FOXP2: variants seen among roughly 807,000 people sequenced by gnomAD.
FOXP2 encodes forkhead box P2, also known as forkhead box protein P2.
A neutral mutation model predicts 115.8 loss-of-function variants in FOXP2; 12 were observed. That is an observed-to-expected ratio of 0.10 (90% CI 0.07 to 0.17). The LOEUF (loss-of-function observed/expected upper bound fraction) is 0.17. Ranked by LOEUF, FOXP2 falls within the 10% of genes least tolerant of loss-of-function variation. The pLI is 1.00. For missense variants in FOXP2, 629 were observed against 843.5 expected, an observed-to-expected ratio of 0.75 and a Z score of 3.15; for synonymous variants, 328 against 297.7, an observed-to-expected ratio of 1.10 and a Z score of -1.05.
In FOXP2 at chr7:114,691,776, T is replaced by C. The variant is rs1563083156; in HGVS notation, c.*1850T>C. On this transcript the variant is annotated 3_prime_UTR_variant, in exon 17 of 17. Coordinates refer to ENST00000350908, the MANE Select transcript of FOXP2 (RefSeq NM_014491.4). Reference sequence around the variant, plus strand: ...CGTTCCATGTGATGGAACCGGTTCTTGCAAACTAAGCTCATCATTGATTCT... The same window carrying C: ...CGTTCCATGTGATGGAACCGGTTCTCGCAAACTAAGCTCATCATTGATTCT... The C allele has an allele frequency of 2.2e-6, 1 of 453,586 alleles. No homozygotes were observed. Among genetic ancestry groups the C allele is most frequent in the Non-Finnish European group, 4.4e-6 (1 of 226,408 alleles). The allele number at this position is 453,586 out of a possible 1,614,324, so 28.1% of individuals were successfully genotyped here. A position where few individuals can be genotyped will look rare whatever the true frequency, so the allele number is the denominator to read the frequency against.
chr7:114,126,653 A>C (rs960583664), intron 1 of FOXP2, among the ~76,000 whole-genome samples: 5 of 151,970 alleles, frequency 3.3e-5, no homozygotes, highest in Non-Finnish European at 7.4e-5. Flanking sequence ...TGCAGTGAAA[A>C]CCCTTAAATT....
intron 1 of FOXP2, among the ~76,000 whole-genome samples, chr7:114,173,359 T>C (rs1204907150): frequency 6.6e-6 from 1 of 151,806 alleles, no homozygotes; most frequent in African/African-American, 2.4e-5. Context: ...ATTTTCTTTT[T>C]TTTTCTTCTT....
rs1161419587 is a variant in FOXP2 at position 114,642,748 on chromosome 7, A to C, written c.989+125A>C. The stretch of plus-strand genomic sequence containing the variant: ...AAATGTATAGAACAACAGATTAGAA[A>C]TCTTTAGATTATTTATCTTATTTTA... On this transcript the variant is annotated intron_variant, in intron 7 of 16. Coordinates refer to ENST00000350908, the MANE Select transcript of FOXP2 (RefSeq NM_014491.4). 1.0e-5 allele frequency: 5 copies of C among 498,714 alleles called. No individual in the cohort carries two copies. In the East Asian group the frequency reaches 2.0e-4, roughly 20 times the overall value. 30.9% of individuals were successfully genotyped at this position (498,714 alleles called of 1,614,324 possible). A position where few individuals can be genotyped will look rare whatever the true frequency, so the allele number is the denominator to read the frequency against.
In FOXP2 at chr7:114,348,685, G is replaced by A. The variant is rs1336343967; in HGVS notation, c.-11+60576G>A. On this transcript the variant is annotated intron_variant, in intron 2 of 17. Coordinates refer to the FOXP2 transcript ENST00000634411. ...AGCTTTCTTATCTGTAAAACTGTAAGATTAAAAGAGGCCAGACTGAATTTC... is the reference window on the plus strand; with the variant it reads ...AGCTTTCTTATCTGTAAAACTGTAAAATTAAAAGAGGCCAGACTGAATTTC... 2.0e-5 allele frequency among the ~76,000 whole-genome samples: 3 copies of A among 152,086 alleles called. No individual in the cohort carries two copies. The South Asian group carries it at 6.2e-4, about 31-fold the overall frequency.
chr7:114,339,222 A>C lies in FOXP2; in HGVS notation c.-11+51113A>C, dbSNP rs1349300507. On this transcript the variant is annotated intron_variant, in intron 2 of 17. Coordinates refer to the FOXP2 transcript ENST00000634411. The stretch of plus-strand genomic sequence containing the variant: ...AATGTTGTGGTATTTCAGTTGTTTG[A>C]AGTTTATAAACTAAGAGCATGATTT... 2.0e-5 allele frequency among the ~76,000 whole-genome samples: 3 copies of C among 151,174 alleles called. No homozygotes were observed. The East Asian group carries it at 5.8e-4, about 29-fold the overall frequency.
chr7:114,477,098 T>C (rs1796308502), intron 2 of FOXP2, among the ~76,000 whole-genome samples: 1 of 151,968 alleles, frequency 6.6e-6, no homozygotes, highest in Admixed American at 6.6e-5. Context: ...GCCTGGAGAC[T>C]TCTCAAAGCT....
At chr7:114,182,586 G>T (rs1188257793) in intron 1 of FOXP2, among the ~76,000 whole-genome samples, 1 of 150,412 alleles carries the variant, frequency 6.6e-6, no homozygotes, top group African/African-American at 2.4e-5. Flanking sequence ...TTTGGTAAAT[G>T]AATTGAATAT....
chr7:114,180,183 G>T (rs1310451865), intron 1 of FOXP2, among the ~76,000 whole-genome samples: 1 of 151,954 alleles, frequency 6.6e-6, no homozygotes, highest in East Asian at 1.9e-4. Context: ...GTTCTGAAAT[G>T]ATGTTACTGT....
chr7:114,216,106 C>G (rs937815313), intron 1 of FOXP2, among the ~76,000 whole-genome samples: 2 of 152,158 alleles, frequency 1.3e-5, no homozygotes, highest in African/African-American at 2.4e-5. Context: ...ATTGAGCTGT[C>G]CATGTTCAGT....
At chr7:114,270,014 T>C (rs1795995603) in intron 1 of FOXP2, among the ~76,000 whole-genome samples, 1 of 152,166 alleles carries the variant, frequency 6.6e-6, no homozygotes, top group South Asian at 2.1e-4. Context: ...GGATAATGAA[T>C]ACTCTGTGCT....
intron 1 of FOXP2, among the ~76,000 whole-genome samples, chr7:114,183,616 C>T (rs959430509): frequency 2.0e-5 from 3 of 152,082 alleles, no homozygotes; most frequent in Admixed American, 1.3e-4. Context: ...ACTGAAAGTT[C>T]TCTGAAAACT....
chr7:114,508,444 A>G (rs980194608), intron 2 of FOXP2, among the ~76,000 whole-genome samples: 1 of 152,080 alleles, frequency 6.6e-6, no homozygotes, highest in African/African-American at 2.4e-5. Context: ...TTACCTTCTT[A>G]GAGCTTATGA....
chr7:114,249,240 G>T (rs1795368811), intron 1 of FOXP2, among the ~76,000 whole-genome samples: 2 of 152,162 alleles, frequency 1.3e-5, no homozygotes, highest in Admixed American at 1.3e-4. Flanking sequence ...TGAGGTACAT[G>T]TGCAGGATGT....
chr7:114,124,187 G>A (rs1033475419), intron 1 of FOXP2, among the ~76,000 whole-genome samples: 2 of 151,838 alleles, frequency 1.3e-5, no homozygotes, highest in African/African-American at 2.4e-5. Context: ...AGTTTTATGA[G>A]GCAAAGAATA....
At chr7:114,611,388 T>C (rs1803620145) in intron 3 of FOXP2, among the ~76,000 whole-genome samples, 1 of 151,826 alleles carries the variant, frequency 6.6e-6, no homozygotes. Context: ...CTCAACAGTA[T>C]TTTCTTATTT....
chr7:114,437,626 CTG>C (rs1794414601), intron 2 of FOXP2, among the ~76,000 whole-genome samples: 1 of 152,132 alleles, frequency 6.6e-6, no homozygotes, highest in Non-Finnish European at 1.5e-5. Flanking sequence ...ATAAAATTAA[CTG>C]TAAGAATTAT....
At chr7:114,124,241 A>G (rs1156945368) in intron 1 of FOXP2, among the ~76,000 whole-genome samples, 2 of 152,064 alleles carry the variant, frequency 1.3e-5, no homozygotes, top group East Asian at 1.9e-4. Flanking sequence ...ACTCCTACTT[A>G]CAAGCATAAC....
chr7:114,620,182 T>A (rs1318949188), intron 3 of FOXP2, among the ~76,000 whole-genome samples: 2 of 151,942 alleles, frequency 1.3e-5, no homozygotes, highest in East Asian at 3.9e-4. Context: ...CAAGGGGAGT[T>A]CATCGCTACA....
intron 2 of FOXP2, among the ~76,000 whole-genome samples, chr7:114,447,845 T>C (rs1320648873): frequency 1.3e-5 from 2 of 152,172 alleles, no homozygotes; most frequent in African/African-American, 2.4e-5. Context: ...CCAAGTTCTA[T>C]TTCAGAGTTT....
Sources: allele counts gnomAD v4.1 joint callset (sites outside exome capture counted in the v4.1 genomes callset), GRCh38; gene constraint gnomAD v4.1.1; transcripts MANE v1.5; gene names NCBI Gene and HGNC (gene_info 2026-07-23, HGNC 2026-07-21).